The following HECTD4 variants were observed in gnomAD, a reference collection of about 807,000 sequenced individuals.
The protein encoded by HECTD4 is HECT domain E3 ubiquitin protein ligase 4.
HECTD4 carries 114 observed loss-of-function variants against 471.5 expected under a neutral mutation model. The ratio of observed to expected loss-of-function variants is 0.24; its 90% CI spans 0.21 to 0.28. The LOEUF is 0.28. Among genes scored for constraint, HECTD4 ranks in the 10% least tolerant of loss-of-function variants. The pLI is 1.00. For synonymous variants in HECTD4, 2,012 were observed against 2,256.0 expected, an observed-to-expected ratio of 0.89 and a Z score of 3.07; for missense variants, 3,866 against 5,651.5, an observed-to-expected ratio of 0.68 and a Z score of 10.13.
chr12:112,273,854 T>C, intron 10 of HECTD4, 59 bp from the exon 11 acceptor site: 1 of 1,581,370 alleles, frequency 6.3e-7, no homozygotes, highest in Admixed American at 1.7e-5. Flanking sequence ...TATACATATT[T>C]CTCACAAGCA....
Position 112,162,509 on chromosome 12 carries a change from G to A in HECTD4, c.13135C>T (p.Arg4379Cys), listed in dbSNP as rs2030727737. Residue 4379 changes from arginine to cysteine, a missense_variant, in exon 76 of 76, where the codon CGC becomes TGC. Arg to Cys is a radical substitution (Grantham distance 180, BLOSUM62 -3). Around this residue, in one of 16 missense-constraint regions of HECTD4, gnomAD observed 715 missense variants for 1,087.6 expected, o/e 0.66. Coordinates refer to ENST00000682272, the MANE Select transcript of HECTD4 (RefSeq NM_001388303.1). This position sits in a 1 kb window ranked among gnomAD's most constrained non-coding sequence, Gnocchi z 5.2. ...ATGCAGGTCTCCACGCGGATGTAGC[G>A]AGAGTCTGGGGAACCTACAAGAAAC... is the stretch of plus-strand genomic sequence containing the variant. ...PDGTAGSPDS[R>C]YIRVETCMFM... 1.9e-6 allele frequency: 3 copies of A among 1,614,024 alleles called. No homozygotes were observed. Among genetic ancestry groups the A allele is most frequent in the Admixed American group, 1.7e-5 (1 of 60,036 alleles).
At chr12:112,348,156 G>GAA (rs1026060867) in intron 1 of HECTD4, among the ~76,000 whole-genome samples, 5 of 152,164 alleles carry the variant, frequency 3.3e-5, no homozygotes, top group Admixed American at 3.3e-4. Flanking sequence ...GCAGCACAGA[G>GAA]AAAAGTTATG....
intron 1 of HECTD4, among the ~76,000 whole-genome samples, chr12:112,341,594 G>A (rs998334949): frequency 2.6e-5 from 4 of 152,038 alleles, no homozygotes; most frequent in Non-Finnish European, 5.9e-5. Flanking sequence ...ATCGCTTTAC[G>A]GGTTATTTCT....
intron 68 of HECTD4, 114 bp downstream of exon 68, chr12:112,171,003 G>A: frequency 1.2e-6 from 1 of 804,054 alleles, no homozygotes; most frequent in Non-Finnish European, 1.9e-6. Context: ...GGTTGAGGTG[G>A]GGTGGCATCT....
chr12:112,170,152 C>T, intron 69 of HECTD4, 181 bp downstream of exon 69: 1 of 814,056 alleles, frequency 1.2e-6, no homozygotes, highest in Non-Finnish European at 1.9e-6. Flanking sequence ...TTCTGCTATG[C>T]CCCTTCCCTG....
Position 112,213,370 on chromosome 12 carries a change from G to A in HECTD4, c.7466-720C>T, listed in dbSNP as rs772663590. On this transcript the variant is annotated intron_variant, in intron 48 of 75. Transcript: ENST00000682272. This position sits in a 1 kb window ranked among gnomAD's most constrained non-coding sequence, Gnocchi z 4.0. ...AGGTATTAGTAATATCATCTCCGGT[G>A]AATATTCAGAAATGGCCTAAAAATA... is the stretch of plus-strand genomic sequence containing the variant. Among the ~76,000 whole-genome samples the A allele has an allele frequency of 3.3e-5, 5 of 152,070 alleles. No individual in the cohort carries two copies. The highest frequency in any genetic ancestry group is 4.8e-5 in the African/African-American group (2 of 41,424).
chr12:112,168,425 C>T (rs1285557720), intron 70 of HECTD4, among the ~76,000 whole-genome samples: 5 of 152,214 alleles, frequency 3.3e-5, no homozygotes, highest in Non-Finnish European at 5.9e-5. Flanking sequence ...CAAAGGGCAA[C>T]GGTAACTGCT....
At chr12:112,284,078 A>G (rs1183847040) in intron 7 of HECTD4, among the ~76,000 whole-genome samples, 1 of 150,988 alleles carries the variant, frequency 6.6e-6, no homozygotes, top group African/African-American at 2.4e-5. Flanking sequence ...ACCCAGCCTC[A>G]TTTACTATTT....
At chr12:112,210,413 G>A (rs1593933396) in intron 49 of HECTD4, among the ~76,000 whole-genome samples, 161 bp from the exon 50 acceptor site, 1 of 152,198 alleles carries the variant, frequency 6.6e-6, no homozygotes, top group East Asian at 1.9e-4. Flanking sequence ...GAGCACACCT[G>A]TGCTCAGAGC....
At chr12:112,325,311 C>T (rs1030649513) in intron 1 of HECTD4, among the ~76,000 whole-genome samples, 5 of 152,130 alleles carry the variant, frequency 3.3e-5, no homozygotes, top group Non-Finnish European at 7.4e-5. Context: ...ACTTAAATGA[C>T]TGTTGTGTTT....
Position 112,235,172 on chromosome 12 carries a change from A to G in HECTD4, c.5820T>C (p.Pro1940=). ...CATCCACAGCCTCACTCTCTTCTCC[A>G]GGATCTTTATCTCCTTTCAAGGAAT... ...PKNSLKGDKD[P]GEESEAVDGK... is the part of the protein sequence containing the mutation. Residue 1940 remains proline, a synonymous_variant, in exon 37 of 76, where the codon CCT becomes CCC. Coordinates refer to ENST00000682272, the MANE Select transcript of HECTD4 (RefSeq NM_001388303.1). The surrounding 1 kb of genome is among the most constrained non-coding windows in gnomAD (Gnocchi z 5.0). 1 of 1,613,992 alleles carries G rather than the reference A, an allele frequency of 6.2e-7. No individual in the cohort carries two copies. Among genetic ancestry groups the G allele is most frequent in the Non-Finnish European group, 8.5e-7 (1 of 1,179,860 alleles).
At chr12:112,370,181 CAGCAACA>C (rs915611469) in intron 1 of HECTD4, among the ~76,000 whole-genome samples, 2 of 152,084 alleles carry the variant, frequency 1.3e-5, no homozygotes, top group African/African-American at 2.4e-5. Context: ...ATGGAGGAAA[CAGCAACA>C]AGCCAAGAAA....
At chr12:112,349,362 T>C (rs1482268191) in intron 1 of HECTD4, among the ~76,000 whole-genome samples, 23 of 118,486 alleles carry the variant, frequency 1.9e-4, no homozygotes, top group Admixed American at 2.5e-4. Flanking sequence ...CACTCCAGCC[T>C]GGGCGACAGA....
chr12:112,314,634 A>C (rs2035442094), intron 2 of HECTD4, 88 bp from the exon 3 acceptor site: 1 of 754,862 alleles, frequency 1.3e-6, no homozygotes, highest in Admixed American at 2.1e-5. Context: ...AACCACATGG[A>C]AAAGTTCCAA....
chr12:112,207,661 C>A (rs552474025), intron 52 of HECTD4, among the ~76,000 whole-genome samples: 1 of 152,268 alleles, frequency 6.6e-6, no homozygotes, highest in East Asian at 1.9e-4. Flanking sequence ...ACTGCAGCAG[C>A]CCATCAACCC....
At position 112,194,984 on chromosome 12, in the gene HECTD4, G is replaced by C; in HGVS notation, c.8650C>G (p.His2884Asp). 6.2e-7 allele frequency: 1 copy of C among 1,611,622 alleles called. No individual in the cohort carries two copies. Among genetic ancestry groups the C allele is most frequent in the East Asian group, 2.2e-5 (1 of 44,786 alleles). Reference sequence around the variant, plus strand: ...ATGTGGAAGAGGCGAGTGAACAAGTGAGGCAACTTCGGGGCGAAGATATTG... The same window carrying C: ...ATGTGGAAGAGGCGAGTGAACAAGTCAGGCAACTTCGGGGCGAAGATATTG... ...LLNIFAPKLP[H>D]LFTRLFHIPA... is the part of the protein sequence containing the mutation. Residue 2884 changes from histidine to aspartate, a missense_variant, in exon 56 of 76, where the codon CAC becomes GAC. This residue lies in a region of HECTD4 where 266 missense variants were observed against 441.6 expected (regional missense o/e 0.60). Coordinates refer to ENST00000682272, the MANE Select transcript of HECTD4 (RefSeq NM_001388303.1). The surrounding 1 kb of genome is among the most constrained non-coding windows in gnomAD (Gnocchi z 4.6).
chr12:112,230,576 C>A (rs1189285216), intron 40 of HECTD4, 111 bp downstream of exon 40: 2 of 1,311,384 alleles, frequency 1.5e-6, no homozygotes, highest in Non-Finnish European at 2.1e-6. Flanking sequence ...TAACAGGTAT[C>A]TGATGAATTT....
rs951827613 is a variant in HECTD4, at chr12:112,162,295, G to A, written c.*92C>T. On this transcript the variant is annotated 3_prime_UTR_variant, in exon 76 of 76. Coordinates refer to ENST00000682272, the MANE Select transcript of HECTD4 (RefSeq NM_001388303.1). The surrounding 1 kb of genome is among the most constrained non-coding windows in gnomAD (Gnocchi z 5.2). ...AAGCAAAATGTTGCCAACTCCTCAC[G>A]CAGGGCCCTGGAGGGACGGGCCGCA... 8.4e-5 allele frequency: 124 copies of A among 1,473,754 alleles called. No homozygotes were observed. Among genetic ancestry groups the A allele is most frequent in the Non-Finnish European group, 1.1e-4 (116 of 1,069,626 alleles). The allele number at this position is 1,473,754 out of a possible 1,614,324, so 91.3% of individuals were successfully genotyped here.
intron 70 of HECTD4, among the ~76,000 whole-genome samples, chr12:112,168,730 A>G (rs2031086747): frequency 6.6e-6 from 1 of 152,194 alleles, no homozygotes; most frequent in South Asian, 2.1e-4. Flanking sequence ...GACCTTGGGA[A>G]GTGACTTGGC....
Sources: allele counts gnomAD v4.1 joint callset (sites outside exome capture counted in the v4.1 genomes callset), GRCh38; gene constraint gnomAD v4.1.1; regional missense constraint gnomAD v4.1.1; non-coding constraint Gnocchi (gnomAD v3.1); transcripts MANE v1.5; gene names NCBI Gene and HGNC (gene_info 2026-07-23, HGNC 2026-07-21).